Variants in PARVG observed in about 807,000 individuals in gnomAD.
The protein encoded by PARVG is gamma-parvin.
Under a neutral mutation model 44.4 loss-of-function variants are expected in PARVG, and 36 were observed. The observed-to-expected ratio is 0.81, with a 90% CI of 0.62 to 1.07. The LOEUF (loss-of-function observed/expected upper bound fraction) is 1.07, where lower values mean the gene tolerates loss of function less well. PARVG is among the 50% of genes least tolerant of loss of function. PARVG has a pLI of 0.00. For missense variants in PARVG, 407 were observed against 407.4 expected, an observed-to-expected ratio of 1.00 and a Z score of 0.01; for synonymous variants, 170 against 174.1, an observed-to-expected ratio of 0.98 and a Z score of 0.19.
chr22:44,189,137 G>A lies in PARVG; in HGVS notation c.271G>A (p.Glu91Lys). 6.2e-7 allele frequency: 1 copy of A among 1,614,036 alleles called. No homozygotes were observed. Among genetic ancestry groups the A allele is most frequent in the Non-Finnish European group, 8.5e-7 (1 of 1,180,044 alleles). The change falls in exon 6 of 14, where the codon GAA (glutamate) becomes AAA (lysine). Residue 91 changes from glutamate (E) to lysine (K), a missense_variant. Transcript: ENST00000444313. ...AGAGAGGCTGGCGGCGCTCAAGCTG[G>A]AAGCAGAGGACATCGCCCTGACAGC... ...LFQRLAALKL[E>K]AEDIALTATS... is the part of the protein sequence containing the mutation.
intron 1 of PARVG, among the ~76,000 whole-genome samples, chr22:44,173,689 G>A (rs1294017415): frequency 6.6e-6 from 1 of 152,206 alleles, no homozygotes; most frequent in Non-Finnish European, 1.5e-5. Flanking sequence ...GGTTCTGAGG[G>A]ACAAATTCAA....
rs2054385512 is a variant in PARVG, at chr22:44,181,924, T to G, written c.-13+7T>G. The G allele has an allele frequency of 2.0e-6, 2 of 985,476 alleles. No homozygotes were observed. 61.0% of individuals were successfully genotyped at this position (985,476 alleles called of 1,614,324 possible). ...CTGCGTGGAAAGCGGTTGGGTGAGT[T>G]CTGGCATCGGGGCCACCATACTTGA... On this transcript the variant is annotated splice_region_variant and intron_variant, in intron 2 of 13. Coordinates refer to ENST00000444313, the MANE Select transcript of PARVG (RefSeq NM_022141.7).
chr22:44,203,329 TC>T (rs1443503945), intron 12 of PARVG, among the ~76,000 whole-genome samples: 1 of 152,178 alleles, frequency 6.6e-6, no homozygotes, highest in Admixed American at 6.5e-5. Flanking sequence ...ACAAATGGGT[TC>T]TATGAATAAA....
chr22:44,196,484 G>T, intron 11 of PARVG, 69 bp downstream of exon 11: 1 of 1,572,002 alleles, frequency 6.4e-7, no homozygotes, highest in Non-Finnish European at 8.7e-7. Context: ...AGAGGGTTCT[G>T]CAGGCCCTGG....
upstream of PARVG, chr22:44,180,883 G>A (rs754117405): frequency 1.0e-5 from 10 of 984,640 alleles, no homozygotes; most frequent in Non-Finnish European, 1.2e-5. Context: ...GTCACCTGTT[G>A]CTAGGGAAAC....
upstream of PARVG, among the ~76,000 whole-genome samples, chr22:44,178,122 T>TA (rs2054336427): frequency 6.6e-6 from 1 of 152,206 alleles, no homozygotes; most frequent in Non-Finnish European, 1.5e-5. Flanking sequence ...GTGAGTCCAT[T>TA]AAACTGTCTT....
chr22:44,198,894 CT>C (rs2054656125), intron 12 of PARVG, among the ~76,000 whole-genome samples, 172 bp downstream of exon 12: 1 of 141,302 alleles, frequency 7.1e-6, no homozygotes, highest in East Asian at 2.1e-4. Flanking sequence ...ACCTATTCAC[CT>C]ATCCATCCAT....
In PARVG at chr22:44,183,370, AG is replaced by A; in HGVS notation, c.46del (p.Val16TrpfsTer35). 1 of 1,609,838 alleles carries A rather than the reference AG, an allele frequency of 6.2e-7. No individual in the cohort carries two copies. Among genetic ancestry groups the A allele is most frequent in the Non-Finnish European group, 8.5e-7 (1 of 1,178,746 alleles). Reference protein sequence around the residue: ...EFLYDLLQLPKGVEPPAEEEL... With the variant: ...EFLYDLLQLPXGVEPPAEEEL... Reference sequence around the variant, plus strand: ...TTGTACGACCTGCTGCAGCTCCCCAAGGGGGTGGAGCCCCCAGCGGAGGAGG... The same window carrying A: ...TTGTACGACCTGCTGCAGCTCCCCAAGGGGTGGAGCCCCCAGCGGAGGAGG... On this transcript the variant is annotated frameshift_variant, in exon 3 of 14. Coordinates refer to ENST00000444313, the MANE Select transcript of PARVG (RefSeq NM_022141.7). LOFTEE classifies it high-confidence loss of function.
In PARVG at chr22:44,204,395, G is replaced by A. The variant is rs114035476; in HGVS notation, c.814-1362G>A. Among the ~76,000 whole-genome samples, 1,061 of 152,374 alleles carry A rather than the reference G, an allele frequency of 7.0e-3. 13 individuals carry two copies. The highest frequency in any genetic ancestry group is 0.024 in the African/African-American group (1,004 of 41,592). On this transcript the variant is annotated intron_variant, in intron 12 of 13. Transcript: ENST00000444313. ...CAGCCTTGGAGAGGAAGGCAGACAGGTGTATCATCCCCGTGACACAGATGA... is the reference window on the plus strand; with the variant it reads ...CAGCCTTGGAGAGGAAGGCAGACAGATGTATCATCCCCGTGACACAGATGA...
chr22:44,173,269 G>A (rs2054287210), intron 1 of PARVG: 7 of 1,131,414 alleles, frequency 6.2e-6, no homozygotes, highest in Non-Finnish European at 7.9e-6. Flanking sequence ...AGGAGCACAG[G>A]CTGCATGACA....
Position 44,192,160 on chromosome 22 carries a change from G to A in PARVG, c.560+56G>A, listed in dbSNP as rs188363482. ...GCTGGGGCTCACAGCGGTGGATGGG[G>A]GCAGGGTGGGGGCCAGGGCAGATCT... On this transcript the variant is annotated intron_variant, in intron 8 of 13. Coordinates refer to ENST00000444313, the MANE Select transcript of PARVG (RefSeq NM_022141.7). 3.9e-4 allele frequency: 616 copies of A among 1,579,076 alleles called. 1 individual carries two copies. The Middle Eastern group carries it at 4.7e-3, about 12-fold the overall frequency.
upstream of PARVG, among the ~76,000 whole-genome samples, chr22:44,179,698 G>C (rs878405): frequency 0.23 from 35,096 of 152,066 alleles, 4,181 homozygotes; most frequent in Non-Finnish European, 0.27. This position sits in a 1 kb window ranked among gnomAD's most constrained non-coding sequence, Gnocchi z 4.2. Flanking sequence ...ACCAATCCCA[G>C]TTCCCATCCT....
At chr22:44,179,074 C>T (rs1053176366), upstream of PARVG, among the ~76,000 whole-genome samples, 1 of 151,622 alleles carries the variant, frequency 6.6e-6, no homozygotes, top group Non-Finnish European at 1.5e-5. The surrounding 1 kb of genome is among the most constrained non-coding windows in gnomAD (Gnocchi z 4.2). Flanking sequence ...TTTAAGTATA[C>T]AGTTCAGTAG....
At chr22:44,195,123 A>C (rs2054601608) in intron 9 of PARVG, among the ~76,000 whole-genome samples, 1 of 151,900 alleles carries the variant, frequency 6.6e-6, no homozygotes, top group Admixed American at 6.6e-5. Flanking sequence ...GAGTTTGGGG[A>C]GAAAGGAGAA....
chr22:44,202,587 T>A (rs1351817910), intron 12 of PARVG, among the ~76,000 whole-genome samples: 3 of 152,252 alleles, frequency 2.0e-5, no homozygotes, highest in African/African-American at 7.2e-5. Context: ...AGCAGCAGCC[T>A]CTTAGCTCAG....
At chr22:44,180,509 C>A (rs2054360430), upstream of PARVG, among the ~76,000 whole-genome samples, 1 of 152,162 alleles carries the variant, frequency 6.6e-6, no homozygotes. Context: ...CACGCCCCAG[C>A]AAAATAGGTC....
intron 3 of PARVG, chr22:44,184,918 T>G (rs1005202305): frequency 1.3e-5 from 2 of 152,224 alleles, no homozygotes; most frequent in Admixed American, 1.3e-4. Flanking sequence ...TTACTAAAAG[T>G]TCTGGCAAGC....
intron 1 of PARVG, chr22:44,173,216 C>G (rs893187957): frequency 8.2e-7 from 1 of 1,225,902 alleles, no homozygotes; most frequent in Non-Finnish European, 1.0e-6. Context: ...CTCATCTGCC[C>G]CTCTGCCTGG....
chr22:44,174,948 C>T (rs931781122), intron 1 of PARVG, among the ~76,000 whole-genome samples: 1 of 151,482 alleles, frequency 6.6e-6, no homozygotes, highest in African/African-American at 2.4e-5. Flanking sequence ...ATGGTGAAAC[C>T]CTATCTCTAC....
Sources: gnomAD v4.1 joint callset for allele counts (sites outside exome capture counted in the v4.1 genomes callset) on GRCh38, gnomAD v4.1.1 for gene constraint, Gnocchi (gnomAD v3.1) non-coding constraint, MANE v1.5 for transcripts, NCBI Gene and HGNC (gene_info 2026-07-23, HGNC 2026-07-21) for gene names.